Variants in RBM39 observed in about 807,000 individuals in gnomAD.
The protein encoded by RBM39 is RNA-binding protein 39.
In RBM39, 12 loss-of-function variants were observed where a neutral mutation model predicts 79.6. That is an observed-to-expected ratio of 0.15 (90% CI 0.10 to 0.24). The LOEUF (loss-of-function observed/expected upper bound fraction) is 0.24. Among genes scored for constraint, RBM39 ranks in the 10% least tolerant of loss-of-function variants. The pLI is 1.00. For missense variants in RBM39, 243 were observed against 653.4 expected (o/e 0.37, Z 6.85); for synonymous variants, 185 against 208.4 (o/e 0.89, Z 0.97).
chr20:35,707,178 A>G lies in RBM39; in HGVS notation c.1249T>C (p.Ser417Pro). Residue 417 changes from serine (S) to proline (P), a missense_variant, in exon 14 of 17, where the codon TCT becomes CCT. Coordinates refer to ENST00000253363, the MANE Select transcript of RBM39 (RefSeq NM_184234.3). ...TEASALAAAA[S>P]VQPLATQCFQ... ...CATTGTGTTGCAAGTGGCTGAACAG[A>G]GGCAGCTGCAGCTAAAGCTGAAGCT... The G allele has an allele frequency of 6.2e-7, 1 of 1,608,782 alleles. No homozygotes were observed. The highest frequency in any genetic ancestry group is 8.5e-7 in the Non-Finnish European group (1 of 1,176,544).
chr20:35,723,963 C>G (rs979190779), intron 8 of RBM39, among the ~76,000 whole-genome samples: 1 of 152,116 alleles, frequency 6.6e-6, no homozygotes, highest in African/African-American at 2.4e-5. Context: ...ACTGCTTGAG[C>G]CCAGCAGGTC....
chr20:35,732,137 T>A lies in RBM39; in HGVS notation c.102-2A>T, dbSNP rs762118835. On this transcript the variant is annotated splice_acceptor_variant, in intron 3 of 16. Transcript: ENST00000253363. LOFTEE classifies it high-confidence loss of function. ...CTTCTGCTCTTGCTTTTTTTCCTCC[T>A]GAGAAGAAAAAAACTCGCCATTATC... 3.7e-6 allele frequency: 6 copies of A among 1,613,872 alleles called. No individual in the cohort carries two copies. Among genetic ancestry groups the A allele is most frequent in the Non-Finnish European group, 5.1e-6 (6 of 1,179,942 alleles).
chr20:35,735,225 C>T (rs774836551), intron 3 of RBM39: 249 of 1,238,508 alleles, frequency 2.0e-4, no homozygotes, highest in Middle Eastern at 2.9e-4. Flanking sequence ...ACGGAATGGA[C>T]GCTGATTTAG....
At chr20:35,728,671 G>A (rs1373020735) in intron 6 of RBM39, among the ~76,000 whole-genome samples, 1 of 152,146 alleles carries the variant, frequency 6.6e-6, no homozygotes, top group East Asian at 1.9e-4. Context: ...CAGCTACTCG[G>A]GAGGCTGAGG....
Position 35,702,360 on chromosome 20 carries a change from T to A in RBM39, c.*2121A>T, listed in dbSNP as rs1054866263. On this transcript the variant is annotated 3_prime_UTR_variant, in exon 17 of 17. Coordinates refer to ENST00000253363, the MANE Select transcript of RBM39 (RefSeq NM_184234.3). ...TTCACTCAGAATGAGCTGTTTTCTA[T>A]GCACGACACTATTCAAGTTACTACA... The A allele has an allele frequency of 5.3e-5, 8 of 152,236 alleles. No individual in the cohort carries two copies. Among genetic ancestry groups the A allele is most frequent in the African/African-American group, 1.7e-4 (7 of 41,460 alleles). The allele number at this position is 152,236 out of a possible 1,614,324, so 9.4% of individuals were successfully genotyped here.
In RBM39 at chr20:35,717,303, A is replaced by C. The variant is rs115026080; in HGVS notation, c.826-498T>G. Among the ~76,000 whole-genome samples the C allele has an allele frequency of 1.1e-3, 166 of 152,146 alleles. 1 individual carries two copies. Among genetic ancestry groups the C allele is most frequent in the African/African-American group, 3.3e-3 (135 of 41,536 alleles). On this transcript the variant is annotated intron_variant, in intron 9 of 16. Coordinates refer to ENST00000253363, the MANE Select transcript of RBM39 (RefSeq NM_184234.3). Reference sequence around the variant, plus strand: ...TCAAAAAACAAAACAAAAACAAAAAAAAAAAACAAACTCTAGAAACTTCCC... The same window carrying C: ...TCAAAAAACAAAACAAAAACAAAAACAAAAAACAAACTCTAGAAACTTCCC...
chr20:35,720,986 G>C (rs1197611269), intron 9 of RBM39, among the ~76,000 whole-genome samples: 1 of 152,014 alleles, frequency 6.6e-6, no homozygotes, highest in Non-Finnish European at 1.5e-5. Flanking sequence ...GGCCAGGCTG[G>C]AGTGCAGTGG....
intron 1 of RBM39, 140 bp from the exon 2 acceptor site, chr20:35,741,027 T>TTTA: frequency 2.6e-6 from 1 of 384,490 alleles, no homozygotes; most frequent in Non-Finnish European, 4.4e-6. Context: ...AGTAAACATT[T>TTTA]TTCTTTTTTT....
At chr20:35,716,250 T>A (rs1310110359) in intron 10 of RBM39, among the ~76,000 whole-genome samples, 2 of 152,114 alleles carry the variant, frequency 1.3e-5, no homozygotes, top group Non-Finnish European at 2.9e-5. Context: ...ATTTTTGTAT[T>A]TTTACTAGAG....
rs567198983 is a variant in RBM39 at position 35,732,535 on chromosome 20, C to T, written c.102-400G>A. 189 of 199,412 alleles carry T rather than the reference C, an allele frequency of 9.5e-4. 2 individuals are homozygous for T. Among genetic ancestry groups the T allele is most frequent in the African/African-American group, 4.2e-3 (180 of 42,740 alleles). The allele number at this position is 199,412 out of a possible 1,614,324, so 12.4% of individuals were successfully genotyped here. ...CCCGCCACTGGTACTCCAGCCTGGG[C>T]GACAGAGTAAGACTCTGTCTAAAAA... On this transcript the variant is annotated intron_variant, in intron 3 of 16. Transcript: ENST00000253363.
chr20:35,740,944 A>T, intron 1 of RBM39, 57 bp from the exon 2 acceptor site: 3 of 1,290,436 alleles, frequency 2.3e-6, no homozygotes, highest in East Asian at 2.5e-5. Flanking sequence ...ATGTGAAACA[A>T]GTTTCACTCT....
At chr20:35,716,699 A>C (rs199908249) in intron 10 of RBM39, 41 bp downstream of exon 10, 1 of 1,314,724 alleles carries the variant, frequency 7.6e-7, no homozygotes, top group East Asian at 2.4e-5. Context: ...TAGTTTAAAA[A>C]AAAAAAAACC....
chr20:35,738,486 G>GTT (rs1275419895), intron 3 of RBM39, among the ~76,000 whole-genome samples: 1 of 145,112 alleles, frequency 6.9e-6, no homozygotes, highest in African/African-American at 2.7e-5. Flanking sequence ...AAGTACTTAA[G>GTT]TACCTGTTCC....
At chr20:35,726,173 T>C (rs1948075287) in intron 6 of RBM39, among the ~76,000 whole-genome samples, 1 of 151,922 alleles carries the variant, frequency 6.6e-6, no homozygotes, top group Admixed American at 6.6e-5. Flanking sequence ...TCACTGTCAC[T>C]CAGGCTGGAG....
chr20:35,740,568 G>A, intron 2 of RBM39: 1 of 1,429,008 alleles, frequency 7.0e-7, no homozygotes, highest in East Asian at 3.3e-5. Context: ...TGAATTCATG[G>A]GAGTAGAGGT....
At chr20:35,731,782 T>C in intron 4 of RBM39, 159 bp downstream of exon 4, 1 of 758,064 alleles carries the variant, frequency 1.3e-6, no homozygotes, top group East Asian at 2.5e-5. Flanking sequence ...GCACTGTATT[T>C]TCACTTTACT....
chr20:35,735,330 T>C (rs944330160), intron 3 of RBM39, among the ~76,000 whole-genome samples: 2 of 152,188 alleles, frequency 1.3e-5, no homozygotes, highest in Non-Finnish European at 1.5e-5. Context: ...AAAACTCAGG[T>C]TTACAGCTCT....
rs1423777792 is a variant in RBM39 at position 35,703,884 on chromosome 20, AT to A, written c.*596del. ...AAATGCAGGGATCATTTTGTTTGGA[AT>A]TTTAAGACACACCAGAACACATAGT... On this transcript the variant is annotated 3_prime_UTR_variant, in exon 17 of 17. Transcript: ENST00000253363. 1 of 152,284 alleles carries A rather than the reference AT, an allele frequency of 6.6e-6. No individual in the cohort carries two copies. The highest frequency in any genetic ancestry group is 2.4e-5 in the African/African-American group (1 of 41,458). 9.4% of individuals were successfully genotyped at this position (152,284 alleles called of 1,614,324 possible). A position where few individuals can be genotyped will look rare whatever the true frequency, so the allele number is the denominator to read the frequency against.
At chr20:35,723,053 GA>G in intron 8 of RBM39, among the ~76,000 whole-genome samples, 1 of 151,726 alleles carries the variant, frequency 6.6e-6, no homozygotes, top group Non-Finnish European at 1.5e-5. Context: ...TAAATACAGA[GA>G]AAAATGCTTC....
Sources: allele counts gnomAD v4.1 joint callset (sites outside exome capture counted in the v4.1 genomes callset), GRCh38; gene constraint gnomAD v4.1.1; transcripts MANE v1.5; gene names NCBI Gene and HGNC (gene_info 2026-07-23, HGNC 2026-07-21).